The following PEMT variants were observed in gnomAD, a reference collection of about 807,000 sequenced individuals.
PEMT encodes the protein phospholipid methyltransferase.
A neutral mutation model predicts 27.4 loss-of-function variants in PEMT; 23 were observed. The ratio of observed to expected loss-of-function variants is 0.84; its 90% confidence interval spans 0.60 to 1.19. The LOEUF (loss-of-function observed/expected upper bound fraction) is 1.19, where lower values mean the gene tolerates loss of function less well. Among genes scored for constraint, PEMT ranks in the 50% most tolerant of loss-of-function variants. The pLI, the probability that PEMT is intolerant of heterozygous loss-of-function variation, is 0.00. For synonymous variants in PEMT, 137 were observed against 139.1 expected (o/e 0.98, Z 0.11); for missense variants, 307 against 310.1 (o/e 0.99, Z 0.07).
chr17:17,556,039 C>T lies in PEMT; in HGVS notation c.204+20881G>A, dbSNP rs745629573. On this transcript the variant is annotated intron_variant, in intron 2 of 6. Coordinates refer to ENST00000255389, the MANE Select transcript of PEMT (RefSeq NM_148172.3). ...CCGGGCACCAGGCCTCCATGATGAG[C>T]GGAACACAGCCACTCCTGGGGAAGG... Among the ~76,000 whole-genome samples, 12 of 152,230 alleles carry T rather than the reference C, an allele frequency of 7.9e-5. No individual in the cohort carries two copies. In the East Asian group the frequency reaches 1.5e-3, roughly 20 times the overall value.
intron 1 of PEMT, among the ~76,000 whole-genome samples, chr17:17,579,868 G>A (rs1197575653): frequency 1.3e-5 from 2 of 152,234 alleles, no homozygotes; most frequent in African/African-American, 2.4e-5. Flanking sequence ...GCGGGAAGAA[G>A]GAACCCAGGG....
At position 17,512,605 on chromosome 17, in the gene PEMT, G is replaced by T. The variant is rs766369958; in HGVS notation, c.370C>A (p.Pro124Thr). Residue 124 changes from proline (P) to threonine (T), a missense_variant, in exon 4 of 7, where the codon CCC (proline) becomes ACC (threonine). By Grantham distance (38) the Pro-to-Thr change is conservative (BLOSUM62 -1). Coordinates refer to ENST00000255389, the MANE Select transcript of PEMT (RefSeq NM_148172.3). This position sits in a 1 kb window ranked among gnomAD's most constrained non-coding sequence, Gnocchi z 6.3. ...SQPRMESLDT[P>T]AAYSLGLALL... ...GCGAGGCCCAGGCTGTAGGCCGCGG[G>T]GGTGTCCAGGCTCTCCATCCTGGGC... 1 of 1,600,274 alleles carries T rather than the reference G, an allele frequency of 6.2e-7. No individual in the cohort carries two copies. The highest frequency in any genetic ancestry group is 1.1e-5 in the South Asian group (1 of 89,100).
intron 2 of PEMT, among the ~76,000 whole-genome samples, chr17:17,571,798 C>G (rs990914967): frequency 5.3e-5 from 8 of 152,198 alleles, no homozygotes; most frequent in Admixed American, 5.2e-4. Context: ...AGCCTCGACC[C>G]CCAGAGCTCA....
At chr17:17,591,351 A>G in intron 1 of PEMT, 180 bp downstream of exon 1, 1 of 596,828 alleles carries the variant, frequency 1.7e-6, no homozygotes, top group South Asian at 2.0e-5. Context: ...GCACACGCAC[A>G]CACACAGACA....
intron 1 of PEMT, among the ~76,000 whole-genome samples, chr17:17,586,214 G>GA (rs763667363): frequency 1.2e-5 from 1 of 80,070 alleles, no homozygotes; most frequent in Non-Finnish European, 2.7e-5. Context: ...AAGAAAGAAA[G>GA]AAAAAGAAAG....
At chr17:17,586,561 G>T (rs576369338) in intron 1 of PEMT, among the ~76,000 whole-genome samples, 32 of 152,228 alleles carry the variant, frequency 2.1e-4, no homozygotes, top group Non-Finnish European at 4.4e-4. Context: ...GGCCAAATGG[G>T]AAGTCTTGGG....
At chr17:17,573,259 T>A (rs1008507468) in intron 2 of PEMT, among the ~76,000 whole-genome samples, 6 of 151,030 alleles carry the variant, frequency 4.0e-5, no homozygotes, top group Non-Finnish European at 7.4e-5. Flanking sequence ...CCGAGTCAGG[T>A]GGATCACAAG....
chr17:17,530,974 C>T (rs1010439381), intron 2 of PEMT, among the ~76,000 whole-genome samples: 7 of 147,916 alleles, frequency 4.7e-5, no homozygotes, highest in South Asian at 2.1e-4. Context: ...ACCCAGGAGG[C>T]GGAGGTTGCA....
At chr17:17,568,607 G>A (rs56046764) in intron 2 of PEMT, among the ~76,000 whole-genome samples, 3,549 of 152,298 alleles carry the variant, frequency 0.023, 124 homozygotes, top group East Asian at 0.1. Flanking sequence ...AGGGTACAGG[G>A]CCTGGGCTGA....
rs951565476 is a variant in PEMT, at chr17:17,513,311, T to G, written c.321-657A>C. 2.6e-5 allele frequency among the ~76,000 whole-genome samples: 4 copies of G among 152,162 alleles called. No homozygotes were observed. Among genetic ancestry groups the G allele is most frequent in the Admixed American group, 6.5e-5 (1 of 15,284 alleles). On this transcript the variant is annotated intron_variant, in intron 3 of 6. Transcript: ENST00000255389. The surrounding 1 kb of genome is among the most constrained non-coding windows in gnomAD (Gnocchi z 4.1). ...CACTGAAGGCCTTGTAAAAAGGTAG[T>G]GGGGTCCAGGTGTGGTGGCTCACGC... is the stretch of plus-strand genomic sequence containing the variant.
chr17:17,535,958 GCCCT>G lies in PEMT; in HGVS notation c.205-13567_205-13564del, dbSNP rs1567695283. On this transcript the variant is annotated intron_variant, in intron 2 of 6. Coordinates refer to ENST00000255389, the MANE Select transcript of PEMT (RefSeq NM_148172.3). ...CCATCGGTGAGCAGGGGATGCCCCT[GCCCT>G]CCCTTGGGTTCTGTGAGGGCCTTGG... 1.1e-4 allele frequency among the ~76,000 whole-genome samples: 17 copies of G among 152,318 alleles called. No individual in the cohort carries two copies. The East Asian group carries it at 2.5e-3, about 22-fold the overall frequency.
At chr17:17,515,365 G>A (rs1474978807) in intron 3 of PEMT, among the ~76,000 whole-genome samples, 1 of 152,186 alleles carries the variant, frequency 6.6e-6, no homozygotes, top group Admixed American at 6.5e-5. Flanking sequence ...GGGCAGATCC[G>A]GGGCCAGGGA....
upstream of PEMT, chr17:17,591,806 G>A: frequency 1.4e-6 from 2 of 1,419,990 alleles, no homozygotes; most frequent in Admixed American, 2.9e-5. Context: ...TTATCTGGGG[G>A]CTCGCGACAG....
At chr17:17,555,739 G>GC in intron 2 of PEMT, among the ~76,000 whole-genome samples, 1 of 152,280 alleles carries the variant, frequency 6.6e-6, no homozygotes. Flanking sequence ...GGCCCAGCCA[G>GC]CCCCTGTGCT....
At chr17:17,522,813 T>A (rs746900) in intron 2 of PEMT, among the ~76,000 whole-genome samples, 66,082 of 152,006 alleles carry the variant, frequency 0.43, 15,104 homozygotes, top group Non-Finnish European at 0.52. Flanking sequence ...GAGGAGCCCA[T>A]GGCTGCAGGA....
intron 1 of PEMT, among the ~76,000 whole-genome samples, chr17:17,584,402 G>A (rs1290020809): frequency 1.3e-5 from 2 of 152,080 alleles, no homozygotes; most frequent in African/African-American, 4.8e-5. Flanking sequence ...CTCATGATCC[G>A]CCTGCCTCGG....
At chr17:17,547,335 G>C (rs1467499865) in intron 2 of PEMT, among the ~76,000 whole-genome samples, 1 of 152,264 alleles carries the variant, frequency 6.6e-6, no homozygotes, top group Non-Finnish European at 1.5e-5. Context: ...TGGGGCACTA[G>C]GGCAAGCAGG....
chr17:17,590,278 T>C (rs559316575), intron 1 of PEMT, among the ~76,000 whole-genome samples: 2 of 152,370 alleles, frequency 1.3e-5, no homozygotes, highest in Non-Finnish European at 2.9e-5. Context: ...AGCACCCATC[T>C]GGCCAACGGT....
chr17:17,530,325 G>A (rs1029908097), intron 2 of PEMT, among the ~76,000 whole-genome samples: 3 of 152,192 alleles, frequency 2.0e-5, no homozygotes, highest in East Asian at 1.9e-4. Context: ...GTGAAACCCC[G>A]TCTCTACGAA....
Sources: gnomAD v4.1 joint callset for allele counts (sites outside exome capture counted in the v4.1 genomes callset) on GRCh38, gnomAD v4.1.1 for gene constraint, Gnocchi (gnomAD v3.1) non-coding constraint, MANE v1.5 for transcripts, NCBI Gene and HGNC (gene_info 2026-07-23, HGNC 2026-07-21) for gene names.